Variants in GSG1L2 observed in about 807,000 individuals in gnomAD.
GSG1L2 encodes germ cell-specific gene 1-like protein 2.
A neutral mutation model predicts 9.0 loss-of-function variants in GSG1L2; 15 were observed. That is an observed-to-expected ratio of 1.67 (90% CI 1.12 to 2.57). GSG1L2 has a LOEUF of 2.57. GSG1L2 is among the 30% of genes most tolerant of loss of function. The probability of loss-of-function intolerance (pLI) is 0.00; values close to 1 mark genes in which losing one functional copy is unlikely to be tolerated. For missense variants in GSG1L2, 286 were observed against 150.3 expected, an observed-to-expected ratio of 1.90 and a Z score of -4.72; for synonymous variants, 127 against 57.9, an observed-to-expected ratio of 2.19 and a Z score of -5.41.
At position 9,820,824 on chromosome 17, in the gene GSG1L2, A is replaced by G. The variant is rs186684231; in HGVS notation, c.310+938T>C. 6.6e-6 allele frequency among the ~76,000 whole-genome samples: 1 copy of G among 152,006 alleles called. No homozygotes were observed. Among genetic ancestry groups the G allele is most frequent in the Non-Finnish European group, 1.5e-5 (1 of 68,004 alleles). ...CCCCACCATGTCCAGCTAATTTTTTAAAAAAACCTTTTGTAAAGAGAGGTC... is the reference window on the plus strand; with the variant it reads ...CCCCACCATGTCCAGCTAATTTTTTGAAAAAACCTTTTGTAAAGAGAGGTC... On this transcript the variant is annotated intron_variant, in intron 1 of 4. Transcript: ENST00000399363. This position sits in a 1 kb window ranked among gnomAD's most constrained non-coding sequence, Gnocchi z 4.9.
rs1346742402 is a variant in GSG1L2 at position 9,801,210 on chromosome 17, TC to T, written c.*1175del. 6.6e-6 allele frequency among the ~76,000 whole-genome samples: 1 copy of T among 152,068 alleles called. No individual in the cohort carries two copies. Among genetic ancestry groups the T allele is most frequent in the Non-Finnish European group, 1.5e-5 (1 of 68,018 alleles). The stretch of plus-strand genomic sequence containing the variant: ...GTTTGCAGTCCCTTTCTTTTCTTTT[TC>T]TTTTTCTTTTTTTTGAGACAGGGTC... On this transcript the variant is annotated 3_prime_UTR_variant, in exon 5 of 5. Coordinates refer to ENST00000399363, the MANE Select transcript of GSG1L2 (RefSeq NM_001310219.2).
chr17:9,803,441 C>G (rs1567708289), intron 4 of GSG1L2, among the ~76,000 whole-genome samples: 1 of 152,190 alleles, frequency 6.6e-6, no homozygotes, highest in Admixed American at 6.5e-5. Context: ...GGCTGTAAGC[C>G]TGTTGCATAC....
chr17:9,815,659 T>C (rs1356288065), intron 1 of GSG1L2, among the ~76,000 whole-genome samples: 1 of 152,250 alleles, frequency 6.6e-6, no homozygotes, highest in African/African-American at 2.4e-5. Context: ...AAGATACTTT[T>C]TCTTTACTTT....
chr17:9,806,681 A>G lies in GSG1L2; in HGVS notation c.623+809T>C, dbSNP rs1343571943. ...GAGCCCTGCTGCAACTACACTCTCA[A>G]CTGTGTAAGGTGCCAGTGATAGCCC... is the stretch of plus-strand genomic sequence containing the variant. On this transcript the variant is annotated intron_variant, in intron 4 of 4. Coordinates refer to ENST00000399363, the MANE Select transcript of GSG1L2 (RefSeq NM_001310219.2). Among the ~76,000 whole-genome samples, 4 of 152,322 alleles carry G rather than the reference A, an allele frequency of 2.6e-5. No individual in the cohort carries two copies. The East Asian group carries it at 5.8e-4, about 22-fold the overall frequency.
rs1360733417 is a variant in GSG1L2, at chr17:9,801,723, A to C, written c.*663T>G. On this transcript the variant is annotated 3_prime_UTR_variant, in exon 5 of 5. Coordinates refer to ENST00000399363, the MANE Select transcript of GSG1L2 (RefSeq NM_001310219.2). ...GCTGGCGATTTAATTTAAGCAGAAC[A>C]ACTCAAACATGTGTTCCACTTAAAC... Among the ~76,000 whole-genome samples the C allele has an allele frequency of 6.6e-6, 1 of 152,238 alleles. No homozygotes were observed. Among genetic ancestry groups the C allele is most frequent in the Admixed American group, 6.5e-5 (1 of 15,286 alleles).
At chr17:9,814,092 G>A (rs1174770465) in intron 1 of GSG1L2, among the ~76,000 whole-genome samples, 2 of 152,204 alleles carry the variant, frequency 1.3e-5, no homozygotes, top group African/African-American at 2.4e-5. Context: ...CCGCCACTAT[G>A]CCCAGCTAAT....
chr17:9,821,406 C>T (rs1656966439), intron 1 of GSG1L2, among the ~76,000 whole-genome samples: 1 of 128,758 alleles, frequency 7.8e-6, no homozygotes, highest in Admixed American at 7.2e-5. Context: ...GTGACAAGAA[C>T]AAACGAGAAA....
At chr17:9,802,876 T>C (rs1266137762) in intron 4 of GSG1L2, among the ~76,000 whole-genome samples, 1 of 152,166 alleles carries the variant, frequency 6.6e-6, no homozygotes, top group Non-Finnish European at 1.5e-5. Flanking sequence ...GGCCCCACCT[T>C]GTATTAACCA....
chr17:9,819,345 C>T (rs1321960218), intron 1 of GSG1L2, among the ~76,000 whole-genome samples: 1 of 152,162 alleles, frequency 6.6e-6, no homozygotes, highest in African/African-American at 2.4e-5. Context: ...AGGAAGATGA[C>T]AGAGGGTATG....
chr17:9,816,870 C>CTCTG (rs1567711526), intron 1 of GSG1L2, among the ~76,000 whole-genome samples: 1 of 120,966 alleles, frequency 8.3e-6, no homozygotes, highest in Admixed American at 8.2e-5. Flanking sequence ...ATGTGTGTGT[C>CTCTG]TGTGTGTGTA....
At chr17:9,810,468 T>C (rs1340265560) in intron 2 of GSG1L2, 103 bp downstream of exon 2, 3 of 666,324 alleles carry the variant, frequency 4.5e-6, no homozygotes, top group Non-Finnish European at 8.1e-6. Flanking sequence ...CATGGAAAAA[T>C]CATCAATGAC....
At chr17:9,813,764 G>A (rs916273432) in intron 1 of GSG1L2, among the ~76,000 whole-genome samples, 5 of 152,192 alleles carry the variant, frequency 3.3e-5, no homozygotes, top group African/African-American at 4.8e-5. Flanking sequence ...CATGGGCAAT[G>A]TGTGGCATTT....
At position 9,802,326 on chromosome 17, in the gene GSG1L2, A is replaced by C. The variant is rs536190936; in HGVS notation, c.*60T>G. 4.9e-5 allele frequency: 30 copies of C among 608,994 alleles called. No homozygotes were observed. In the South Asian group the frequency reaches 5.6e-4, roughly 11 times the overall value. 37.7% of individuals were successfully genotyped at this position (608,994 alleles called of 1,614,324 possible). A position where few individuals can be genotyped will look rare whatever the true frequency, so the allele number is the denominator to read the frequency against. On this transcript the variant is annotated 3_prime_UTR_variant, in exon 5 of 5. Coordinates refer to ENST00000399363, the MANE Select transcript of GSG1L2 (RefSeq NM_001310219.2). ...AGTCCAACCCAGAGGCAGGGTGTAC[A>C]TTGTGAGTGTCAGTGCCTGGCTTGT...
intron 3 of GSG1L2, 46 bp downstream of exon 3, chr17:9,808,784 C>T (rs2066526050): frequency 1.4e-6 from 1 of 699,416 alleles, no homozygotes; most frequent in Non-Finnish European, 2.6e-6. Flanking sequence ...TGACACTCTG[C>T]TTTCCCTCTG....
chr17:9,813,146 C>T (rs182665102), intron 1 of GSG1L2, among the ~76,000 whole-genome samples: 11 of 152,316 alleles, frequency 7.2e-5, no homozygotes, highest in East Asian at 1.9e-4. Context: ...TGCAAGCATA[C>T]GCTTCTGGCA....
intron 1 of GSG1L2, among the ~76,000 whole-genome samples, chr17:9,815,001 T>C (rs2066553997): frequency 6.6e-6 from 1 of 152,184 alleles, no homozygotes; most frequent in African/African-American, 2.4e-5. Flanking sequence ...GATTGTGGGA[T>C]CAAAGATGTG....
intron 3 of GSG1L2, 116 bp downstream of exon 3, chr17:9,808,714 C>T (rs2066525648): frequency 3.3e-6 from 2 of 614,676 alleles, no homozygotes; most frequent in South Asian, 3.8e-5. Context: ...ACCCGCCCTG[C>T]TTAAATGGCC....
intron 4 of GSG1L2, chr17:9,804,354 C>G (rs1367385818): frequency 6.6e-6 from 1 of 152,218 alleles, no homozygotes; most frequent in Non-Finnish European, 1.5e-5. Context: ...CCTCCCTTTC[C>G]CCCAGAAAAG....
At chr17:9,809,009 G>C in intron 2 of GSG1L2, 27 bp from the exon 3 acceptor site, 3 of 702,168 alleles carry the variant, frequency 4.3e-6, no homozygotes, top group East Asian at 2.7e-5. Context: ...TGTTGGAAAC[G>C]CTGGACACTT....
Sources: gnomAD v4.1 joint callset for allele counts (sites outside exome capture counted in the v4.1 genomes callset) on GRCh38, gnomAD v4.1.1 for gene constraint, Gnocchi (gnomAD v3.1) non-coding constraint, MANE v1.5 for transcripts, NCBI Gene and HGNC (gene_info 2026-07-23, HGNC 2026-07-21) for gene names.